The following CRTAC1 variants were observed in gnomAD, a reference collection of about 807,000 sequenced individuals.
CRTAC1 encodes cartilage acidic protein 1.
CRTAC1 carries 37 observed loss-of-function variants against 67.8 expected under a neutral mutation model. That is an observed-to-expected ratio of 0.55 (90% CI 0.42 to 0.72). The LOEUF is 0.72. CRTAC1 is among the 30% of genes least tolerant of loss of function. CRTAC1 has a pLI of 0.00. For synonymous variants in CRTAC1, 348 were observed against 371.0 expected, an observed-to-expected ratio of 0.94 and a Z score of 0.71; for missense variants, 780 against 931.6, an observed-to-expected ratio of 0.84 and a Z score of 2.12.
At chr10:97,886,763 G>C (rs1317859676) in intron 11 of CRTAC1, among the ~76,000 whole-genome samples, 1 of 150,684 alleles carries the variant, frequency 6.6e-6, no homozygotes, top group Admixed American at 6.6e-5. Flanking sequence ...TCCTGCCTCA[G>C]CCTCCTGAGT....
intron 2 of CRTAC1, among the ~76,000 whole-genome samples, chr10:97,987,661 C>A (rs2052004902): frequency 6.6e-6 from 1 of 152,198 alleles, no homozygotes; most frequent in Non-Finnish European, 1.5e-5. Flanking sequence ...ATTCAAATAT[C>A]CTGTTTCTTT....
At chr10:97,924,622 T>C (rs1022771332) in intron 3 of CRTAC1, among the ~76,000 whole-genome samples, 3 of 152,206 alleles carry the variant, frequency 2.0e-5, no homozygotes, top group African/African-American at 7.2e-5. Context: ...GTTTTCCTAC[T>C]TGTGAGTGGG....
chr10:98,019,266 G>A (rs369479958), intron 1 of CRTAC1, among the ~76,000 whole-genome samples: 2 of 152,146 alleles, frequency 1.3e-5, no homozygotes, highest in East Asian at 3.9e-4. Flanking sequence ...AGACCCCGCC[G>A]CCTGGCTTAT....
chr10:97,996,419 CA>C (rs1842570888), intron 2 of CRTAC1, among the ~76,000 whole-genome samples: 1 of 151,806 alleles, frequency 6.6e-6, no homozygotes, highest in Admixed American at 6.6e-5. Context: ...AAAAAGTGGG[CA>C]AAGGACGTGA....
rs1479192918 is a variant in CRTAC1 at position 97,936,316 on chromosome 10, A to C, written c.275T>G (p.Leu92Arg). ...VLKYDRAQKR[L>R]VNIAVDERSS... The stretch of plus-strand genomic sequence containing the variant: ...GCGCTCATCGACCGCGATGTTCACC[A>C]GCCGCTTCTGGGCCCGGTCATACTT... Residue 92 changes from leucine to arginine, a missense_variant, in exon 3 of 15, where the codon CTG becomes CGG. Transcript: ENST00000370597. The C allele has an allele frequency of 5.6e-6, 9 of 1,613,470 alleles. No homozygotes were observed. Among genetic ancestry groups the C allele is most frequent in the Non-Finnish European group, 7.6e-6 (9 of 1,179,490 alleles).
At chr10:97,967,551 G>C (rs918317063) in intron 2 of CRTAC1, among the ~76,000 whole-genome samples, 2 of 152,168 alleles carry the variant, frequency 1.3e-5, no homozygotes, top group African/African-American at 4.8e-5. Flanking sequence ...AAATATATGT[G>C]TGTATACTAA....
intron 14 of CRTAC1, among the ~76,000 whole-genome samples, chr10:97,878,919 G>A (rs749037192): frequency 6.6e-6 from 1 of 152,058 alleles, no homozygotes; most frequent in African/African-American, 2.4e-5. Context: ...CCCAAACCCT[G>A]GTCCCCCAAA....
At chr10:98,023,288 T>A (rs929297223) in intron 1 of CRTAC1, among the ~76,000 whole-genome samples, 3 of 152,196 alleles carry the variant, frequency 2.0e-5, no homozygotes, top group Non-Finnish European at 4.4e-5. Context: ...GAGGTTTACA[T>A]AGTCCTTGTG....
Position 97,928,680 on chromosome 10 carries a change from G to A in CRTAC1, c.422-5280C>T, listed in dbSNP as rs116594933. On this transcript the variant is annotated intron_variant, in intron 3 of 14. Coordinates refer to ENST00000370597, the MANE Select transcript of CRTAC1 (RefSeq NM_018058.7). ...ATGGAAGAGTCGCTGTGATCAGGGA[G>A]GGCTTCATGAGGGAGGAGGCAACTG... 3.4e-3 allele frequency among the ~76,000 whole-genome samples: 515 copies of A among 152,312 alleles called. 3 individuals carry two copies. The highest frequency in any genetic ancestry group is 0.012 in the African/African-American group (487 of 41,560).
intron 2 of CRTAC1, among the ~76,000 whole-genome samples, chr10:97,998,492 G>A (rs1842628007): frequency 6.6e-6 from 1 of 152,092 alleles, no homozygotes; most frequent in Non-Finnish European, 1.5e-5. Context: ...AAGAAACAAT[G>A]GCAACCATTA....
Position 97,916,474 on chromosome 10 carries a change from G to A in CRTAC1, c.715+1026C>T, listed in dbSNP as rs949883485. Among the ~76,000 whole-genome samples, 4 of 152,274 alleles carry A rather than the reference G, an allele frequency of 2.6e-5. 1 individual carries two copies. In the South Asian group the frequency reaches 8.3e-4, roughly 32 times the overall value. ...TTTCACCAGGGTGAAAAGTGGCTAG[G>A]GAAAGGCATTGTAAACTCAGGAGAG... On this transcript the variant is annotated intron_variant, in intron 5 of 14. Coordinates refer to ENST00000370597, the MANE Select transcript of CRTAC1 (RefSeq NM_018058.7).
chr10:97,893,894 A>G (rs1277459853), intron 11 of CRTAC1, among the ~76,000 whole-genome samples: 1 of 152,212 alleles, frequency 6.6e-6, no homozygotes, highest in Non-Finnish European at 1.5e-5. Flanking sequence ...CTCACTCACC[A>G]TAGTGCCCTG....
chr10:97,973,187 T>G (rs1230300718), intron 2 of CRTAC1, among the ~76,000 whole-genome samples: 2 of 152,122 alleles, frequency 1.3e-5, no homozygotes, highest in African/African-American at 2.4e-5. Context: ...AAAAAAAAAG[T>G]AAGTTAAAAA....
At chr10:97,981,915 C>A (rs2051898312) in intron 2 of CRTAC1, among the ~76,000 whole-genome samples, 1 of 152,170 alleles carries the variant, frequency 6.6e-6, no homozygotes, top group Admixed American at 6.5e-5. Context: ...CCATCTGCAT[C>A]TCTTCTTTTG....
intron 2 of CRTAC1, among the ~76,000 whole-genome samples, chr10:97,982,604 C>T (rs562939689): frequency 6.6e-6 from 1 of 152,134 alleles, no homozygotes; most frequent in African/African-American, 2.4e-5. Flanking sequence ...AATCATAATC[C>T]CCATCATCAA....
chr10:98,011,368 A>C (rs1404387115), intron 1 of CRTAC1, 31 bp from the exon 2 acceptor site: 1 of 1,611,808 alleles, frequency 6.2e-7, no homozygotes, highest in African/African-American at 1.3e-5. Flanking sequence ...TGTTACCGAA[A>C]GAACCTGTAA....
chr10:97,895,171 G>T lies in CRTAC1; in HGVS notation c.1486+74C>A. The T allele has an allele frequency of 6.9e-7, 1 of 1,456,848 alleles. No homozygotes were observed. The highest frequency in any genetic ancestry group is 9.4e-7 in the Non-Finnish European group (1 of 1,062,814). The allele number at this position is 1,456,848 out of a possible 1,614,324, so 90.2% of individuals were successfully genotyped here. ...GTAGAGCGGAGCGGTGCCCAAGGAT[G>T]CTCGGGCTGTGAGTCCCTGAATCAG... On this transcript the variant is annotated intron_variant, in intron 11 of 14. Transcript: ENST00000370597. This position sits in a 1 kb window ranked among gnomAD's most constrained non-coding sequence, Gnocchi z 4.2.
At chr10:97,997,230 TATAATAATA>T (rs111567944) in intron 2 of CRTAC1, among the ~76,000 whole-genome samples, 5,162 of 131,712 alleles carry the variant, frequency 0.039, 118 homozygotes, top group South Asian at 0.061. Context: ...AAACTTAAAG[TATAATAATA>T]ATAATAATAA....
At chr10:98,004,576 T>C (rs1842748550) in intron 2 of CRTAC1, among the ~76,000 whole-genome samples, 1 of 152,172 alleles carries the variant, frequency 6.6e-6, no homozygotes, top group Non-Finnish European at 1.5e-5. Flanking sequence ...GTATCCATCC[T>C]AAAGAAATAT....
Sources: gnomAD v4.1 joint callset for allele counts (sites outside exome capture counted in the v4.1 genomes callset) on GRCh38, gnomAD v4.1.1 for gene constraint, Gnocchi (gnomAD v3.1) non-coding constraint, MANE v1.5 for transcripts, NCBI Gene and HGNC (gene_info 2026-07-23, HGNC 2026-07-21) for gene names.